Variants in SMYD3 observed in about 807,000 individuals in gnomAD.
SMYD3 encodes the protein SET and MYND domain containing 3.
In SMYD3, 36 loss-of-function variants were observed where a neutral mutation model predicts 57.7. That is an observed-to-expected ratio of 0.62 (90% CI 0.48 to 0.82). SMYD3 has a LOEUF of 0.82. SMYD3 is among the 40% of genes least tolerant of loss of function. The pLI is 0.00. For synonymous variants in SMYD3, 211 were observed against 195.0 expected (o/e 1.08, Z -0.68); for missense variants, 515 against 538.8 (o/e 0.96, Z 0.44).
At chr1:246,098,184 C>T (rs559780000) in intron 5 of SMYD3, among the ~76,000 whole-genome samples, 1 of 152,288 alleles carries the variant, frequency 6.6e-6, no homozygotes, top group South Asian at 2.1e-4. Context: ...TCAATGCACA[C>T]ATGCAAATCA....
chr1:246,491,544 T>TA lies in SMYD3; in HGVS notation c.164+15509dup, dbSNP rs369181751. Among the ~76,000 whole-genome samples, 912 of 93,614 alleles carry TA rather than the reference T, an allele frequency of 9.7e-3. 8 individuals are homozygous for TA. The highest frequency in any genetic ancestry group is 0.041 in the African/African-American group (786 of 19,136). The allele number at this position is 93,614 out of a possible 152,430, so 61.4% of individuals were successfully genotyped here. On this transcript the variant is annotated intron_variant, in intron 1 of 11. Coordinates refer to ENST00000490107, the MANE Select transcript of SMYD3 (RefSeq NM_001167740.2). Reference sequence around the variant, plus strand: ...AACAAGAGCGAAACTTCGTCTCAAATAAAAAAAAAAAAAAAAGAGAGAGAA... The same window carrying TA: ...AACAAGAGCGAAACTTCGTCTCAAATAAAAAAAAAAAAAAAAAGAGAGAGAA...
intron 5 of SMYD3, among the ~76,000 whole-genome samples, chr1:246,125,239 C>A (rs2061493105): frequency 6.6e-6 from 1 of 152,164 alleles, no homozygotes; most frequent in Non-Finnish European, 1.5e-5. Flanking sequence ...GAAGTTGAAT[C>A]TGCATCCCAT....
In SMYD3 at chr1:246,107,471, A is replaced by G. The variant is rs547022664; in HGVS notation, c.532-177534T>C. Among the ~76,000 whole-genome samples the G allele has an allele frequency of 2.2e-3, 341 of 152,320 alleles. 2 individuals are homozygous for G. Among genetic ancestry groups the G allele is most frequent in the Non-Finnish European group, 8.5e-4 (58 of 68,014 alleles). On this transcript the variant is annotated intron_variant, in intron 5 of 11. Coordinates refer to ENST00000490107, the MANE Select transcript of SMYD3 (RefSeq NM_001167740.2). ...TTATAATTTAATCACAGAAAAGACT[A>G]GACTATCAGGTAGTTGGTGGCTACA...
chr1:245,825,553 G>C (rs1047105483), intron 10 of SMYD3, among the ~76,000 whole-genome samples: 1 of 152,138 alleles, frequency 6.6e-6, no homozygotes, highest in African/African-American at 2.4e-5. Flanking sequence ...TAGGCGGGCC[G>C]AGGCCATGCG....
At chr1:246,052,647 A>C (rs1211150519) in intron 5 of SMYD3, 1 of 151,210 alleles carries the variant, frequency 6.6e-6, no homozygotes, top group Non-Finnish European at 1.5e-5. Context: ...AATGTCTTTA[A>C]ATATTTATCT....
chr1:246,186,406 T>C (rs2062640607), intron 5 of SMYD3, among the ~76,000 whole-genome samples: 1 of 152,134 alleles, frequency 6.6e-6, no homozygotes, highest in African/African-American at 2.4e-5. Context: ...GCACACACAA[T>C]TCTAGTACAG....
At chr1:246,175,867 T>C (rs1360471488) in intron 5 of SMYD3, among the ~76,000 whole-genome samples, 1 of 152,214 alleles carries the variant, frequency 6.6e-6, no homozygotes, top group African/African-American at 2.4e-5. Flanking sequence ...GAATTCCAAG[T>C]ATATTATACT....
intron 5 of SMYD3, among the ~76,000 whole-genome samples, chr1:246,093,028 T>C (rs1254367641): frequency 6.6e-6 from 1 of 152,062 alleles, no homozygotes; most frequent in African/African-American, 2.4e-5. Context: ...ACATCATTAA[T>C]CATTATGAAA....
chr1:246,500,180 A>G (rs1044931743), intron 1 of SMYD3, among the ~76,000 whole-genome samples: 6 of 152,200 alleles, frequency 3.9e-5, no homozygotes, highest in Admixed American at 1.3e-4. Flanking sequence ...CTCAGAGAGC[A>G]TCTTAGATTG....
At chr1:245,797,456 G>C (rs569121487) in intron 10 of SMYD3, among the ~76,000 whole-genome samples, 439 of 148,782 alleles carry the variant, frequency 3.0e-3, no homozygotes, top group Admixed American at 6.8e-3. Context: ...TGTTCTCACT[G>C]ATAGGTGGGA....
intron 5 of SMYD3, among the ~76,000 whole-genome samples, chr1:246,233,379 AGAG>A (rs1400394185): frequency 1.7e-5 from 2 of 120,742 alleles, no homozygotes; most frequent in South Asian, 7.4e-4. Context: ...TATACCACAC[AGAG>A]GAGAAGCACT....
At chr1:245,761,990 G>T (rs2045865404) in intron 11 of SMYD3, among the ~76,000 whole-genome samples, 1 of 151,936 alleles carries the variant, frequency 6.6e-6, no homozygotes, top group South Asian at 2.1e-4. Context: ...TCACCATGTT[G>T]GCCAGACTGG....
intron 5 of SMYD3, among the ~76,000 whole-genome samples, chr1:246,306,422 T>C (rs1158225528): frequency 3.9e-5 from 6 of 152,166 alleles, no homozygotes; most frequent in African/African-American, 1.4e-4. Context: ...AATTAGAAAC[T>C]GGGACAGATA....
chr1:245,868,777 C>T (rs1007263195), intron 8 of SMYD3, among the ~76,000 whole-genome samples: 2 of 152,174 alleles, frequency 1.3e-5, no homozygotes, highest in African/African-American at 4.8e-5. Flanking sequence ...GTTCCAACTT[C>T]CCCTGACCCT....
chr1:246,120,238 T>A (rs1446837786), intron 5 of SMYD3, among the ~76,000 whole-genome samples: 1 of 152,120 alleles, frequency 6.6e-6, no homozygotes, highest in African/African-American at 2.4e-5. Flanking sequence ...GAGATAAGGA[T>A]GAGTAGAAGA....
At chr1:246,217,033 A>G (rs1162336056) in intron 5 of SMYD3, among the ~76,000 whole-genome samples, 6 of 152,146 alleles carry the variant, frequency 3.9e-5, no homozygotes, top group African/African-American at 1.4e-4. Context: ...GGGAGAGCAA[A>G]GAAGTTCTCA....
intron 5 of SMYD3, among the ~76,000 whole-genome samples, chr1:246,101,063 G>GTTTTTTTTT (rs1558228762): frequency 4.3e-5 from 4 of 92,950 alleles, no homozygotes; most frequent in Non-Finnish European, 7.7e-5. Context: ...TATTTTTAGG[G>GTTTTTTTTT]GTTTTTTGTT....
intron 5 of SMYD3, among the ~76,000 whole-genome samples, chr1:246,241,405 C>T (rs867572854): frequency 1.1e-4 from 16 of 152,074 alleles, no homozygotes; most frequent in South Asian, 4.1e-4. Flanking sequence ...TATTGATTTG[C>T]GTATGTTGAA....
chr1:246,271,543 G>A (rs1019540891), intron 5 of SMYD3, among the ~76,000 whole-genome samples: 1 of 152,152 alleles, frequency 6.6e-6, no homozygotes, highest in Non-Finnish European at 1.5e-5. Flanking sequence ...GGCACCATTT[G>A]TTGAATTGAC....
Sources: allele counts gnomAD v4.1 joint callset (sites outside exome capture counted in the v4.1 genomes callset), GRCh38; gene constraint gnomAD v4.1.1; transcripts MANE v1.5; gene names NCBI Gene and HGNC (gene_info 2026-07-23, HGNC 2026-07-21).